Variants in NXN observed in about 807,000 individuals in gnomAD.
NXN encodes nucleoredoxin 1.
A neutral mutation model predicts 48.6 loss-of-function variants in NXN; 16 were observed. The observed-to-expected ratio is 0.33, with a 90% CI of 0.22 to 0.50. NXN has a LOEUF of 0.50. NXN is among the 20% of genes least tolerant of loss of function. NXN has a pLI of 0.98. For missense variants in NXN, 492 were observed against 605.5 expected (o/e 0.81, Z 1.97); for synonymous variants, 281 against 269.6 (o/e 1.04, Z -0.41).
intron 1 of NXN, chr17:907,861 C>T (rs1398646063): frequency 1.3e-5 from 2 of 152,154 alleles, no homozygotes; most frequent in South Asian, 2.1e-4. Flanking sequence ...CCAGTTGCAT[C>T]TATCTTTGTT....
chr17:838,163 G>A (rs771404780), intron 1 of NXN, among the ~76,000 whole-genome samples: 3 of 113,330 alleles, frequency 2.6e-5, no homozygotes, highest in Non-Finnish European at 4.9e-5. Flanking sequence ...ATGGAGTCTC[G>A]CTCTGTCGCC....
chr17:845,760 C>T (rs1037232190), intron 1 of NXN, among the ~76,000 whole-genome samples: 9 of 152,230 alleles, frequency 5.9e-5, no homozygotes, highest in African/African-American at 2.2e-4. Flanking sequence ...CATGGTTCCT[C>T]AGCAGAAAAG....
intron 5 of NXN, among the ~76,000 whole-genome samples, chr17:807,264 C>T (rs1911611656): frequency 6.6e-6 from 1 of 152,100 alleles, no homozygotes. Flanking sequence ...AAGGTCCTTC[C>T]TCAGAGTAGG....
At chr17:860,228 A>G (rs1272902691) in intron 1 of NXN, among the ~76,000 whole-genome samples, 1 of 152,254 alleles carries the variant, frequency 6.6e-6, no homozygotes, top group African/African-American at 2.4e-5. Flanking sequence ...GGTTCAAGTG[A>G]TTCTCCTGCC....
intron 1 of NXN, among the ~76,000 whole-genome samples, chr17:943,643 GA>G (rs1191663519): frequency 1.3e-5 from 2 of 151,886 alleles, no homozygotes; most frequent in African/African-American, 2.4e-5. Flanking sequence ...CCAACATGGT[GA>G]AACCCCGTCT....
At chr17:896,591 G>A (rs376887186) in intron 1 of NXN, among the ~76,000 whole-genome samples, 3 of 152,162 alleles carry the variant, frequency 2.0e-5, no homozygotes, top group Non-Finnish European at 4.4e-5. Context: ...CTTACCAGAC[G>A]TTAACTATCG....
At chr17:823,113 A>AGG (rs1209471934) in intron 3 of NXN, among the ~76,000 whole-genome samples, 232 of 140,620 alleles carry the variant, frequency 1.6e-3, no homozygotes, top group African/African-American at 5.4e-3. Flanking sequence ...AAAAAAAAAA[A>AGG]GGGGGCCAGG....
At chr17:944,406 G>A (rs565448109) in intron 1 of NXN, among the ~76,000 whole-genome samples, 2 of 152,270 alleles carry the variant, frequency 1.3e-5, no homozygotes, top group African/African-American at 4.8e-5. Flanking sequence ...GTTTCCGCAG[G>A]TCCGTACCCC....
intron 5 of NXN, among the ~76,000 whole-genome samples, chr17:806,944 A>G (rs949102354): frequency 9.6e-5 from 14 of 145,592 alleles, no homozygotes; most frequent in African/African-American, 1.4e-4. Flanking sequence ...ACACACACAC[A>G]CACGCACGCG....
intron 5 of NXN, among the ~76,000 whole-genome samples, chr17:812,890 A>C (rs573715900): frequency 2.7e-4 from 33 of 123,442 alleles, no homozygotes; most frequent in Non-Finnish European, 3.8e-4. Flanking sequence ...GCACATGTGA[A>C]TGTAGGTGTG....
At chr17:846,666 T>C (rs1442950503) in intron 1 of NXN, among the ~76,000 whole-genome samples, 1 of 151,474 alleles carries the variant, frequency 6.6e-6, no homozygotes, top group Non-Finnish European at 1.5e-5. Context: ...TGGATAAACA[T>C]TTGATTTTTT....
intron 1 of NXN, among the ~76,000 whole-genome samples, chr17:921,703 C>T (rs1408288969): frequency 6.8e-6 from 1 of 147,728 alleles, no homozygotes; most frequent in Non-Finnish European, 1.5e-5. Context: ...CAACACCTGG[C>T]CGGCCCAGGC....
At chr17:872,765 C>T (rs1015869201) in intron 1 of NXN, among the ~76,000 whole-genome samples, 3 of 151,884 alleles carry the variant, frequency 2.0e-5, no homozygotes, top group Admixed American at 2.0e-4. Context: ...GGATTACAGG[C>T]GCCTGCCACC....
rs2067855227 is a variant in NXN at position 845,934 on chromosome 17, ATG to A, written c.361-19858_361-19857del. Among the ~76,000 whole-genome samples the A allele has an allele frequency of 7.2e-5, 11 of 152,226 alleles. No individual in the cohort carries two copies. In the South Asian group the frequency reaches 1.4e-3, roughly 20 times the overall value. ...AAAAATTAGCCGGGTGTGGTGGCTCATGCCTGTAATCCCAGCTACTCGAGAGG... is the reference window on the plus strand; with the variant it reads ...AAAAATTAGCCGGGTGTGGTGGCTCACCTGTAATCCCAGCTACTCGAGAGG... On this transcript the variant is annotated intron_variant, in intron 1 of 7. Transcript: ENST00000336868.
rs533043367 is a variant in NXN, at chr17:854,779, T to C, written c.361-28701A>G. On this transcript the variant is annotated intron_variant, in intron 1 of 7. Coordinates refer to ENST00000336868, the MANE Select transcript of NXN (RefSeq NM_022463.5). ...TTTGAGACCAGCCTAGCCAACATGGTGAAACCCCGTCTCTACTAAAAATAC... is the reference window on the plus strand; with the variant it reads ...TTTGAGACCAGCCTAGCCAACATGGCGAAACCCCGTCTCTACTAAAAATAC... 6.7e-5 allele frequency among the ~76,000 whole-genome samples: 10 copies of C among 149,750 alleles called. No homozygotes were observed. In the South Asian group the frequency reaches 2.1e-3, roughly 32 times the overall value.
Position 958,273 on chromosome 17 carries a change from G to C in NXN, c.360+21046C>G, listed in dbSNP as rs949388234. On this transcript the variant is annotated intron_variant, in intron 1 of 7. Coordinates refer to ENST00000336868, the MANE Select transcript of NXN (RefSeq NM_022463.5). The surrounding 1 kb of genome is among the most constrained non-coding windows in gnomAD (Gnocchi z 6.9). ...CCGGTGCCTCTGCCCAACAAGACAT[G>C]ACGGTGAGCAAGGTTACTCATCTTC... Among the ~76,000 whole-genome samples, 1 of 152,190 alleles carries C rather than the reference G, an allele frequency of 6.6e-6. No individual in the cohort carries two copies. The highest frequency in any genetic ancestry group is 1.5e-5 in the Non-Finnish European group (1 of 68,030).
intron 1 of NXN, among the ~76,000 whole-genome samples, chr17:912,718 C>G (rs958743019): frequency 6.6e-6 from 1 of 151,988 alleles, no homozygotes; most frequent in African/African-American, 2.4e-5. Context: ...TTTGGGAGGC[C>G]GATGCGGGCG....
intron 1 of NXN, among the ~76,000 whole-genome samples, chr17:942,497 A>C (rs111251539): frequency 7.0e-5 from 4 of 57,348 alleles, no homozygotes; most frequent in African/African-American, 2.0e-4. Flanking sequence ...CCCTGGATTT[A>C]CAGCGAACAA....
intron 1 of NXN, among the ~76,000 whole-genome samples, chr17:906,155 C>A (rs1011067994): frequency 6.6e-6 from 1 of 152,058 alleles, no homozygotes; most frequent in African/African-American, 2.4e-5. Context: ...CACTTTATAC[C>A]TTCAGTGCAT....
Sources: allele counts gnomAD v4.1 joint callset (sites outside exome capture counted in the v4.1 genomes callset), GRCh38; gene constraint gnomAD v4.1.1; non-coding constraint Gnocchi (gnomAD v3.1); transcripts MANE v1.5; gene names NCBI Gene and HGNC (gene_info 2026-07-23, HGNC 2026-07-21).